TBL1Y: variants seen among roughly 807,000 people sequenced by gnomAD.
TBL1Y encodes the protein F-box-like/WD repeat-containing protein TBL1Y.
Under a neutral mutation model 12.0 loss-of-function variants are expected in TBL1Y, and 15 were observed. The ratio of observed to expected loss-of-function variants is 1.25; its 90% CI spans 0.83 to 1.92. The LOEUF is 1.92. Among genes scored for constraint, TBL1Y ranks in the 40% most tolerant of loss-of-function variants. TBL1Y has a pLI of 0.00. For missense variants in TBL1Y, 148 were observed against 116.7 expected (o/e 1.27, Z -1.24); for synonymous variants, 53 against 42.6 (o/e 1.24, Z -0.95).
At chrY:6,976,550 C>A (rs974576870) in intron 2 of TBL1Y, among the ~76,000 whole-genome samples, 1 of 33,192 alleles carries the variant, frequency 3.0e-5, no homozygotes, top group Non-Finnish European at 7.4e-5. Context: ...TATCCTTCAT[C>A]CCATTTTTAT....
chrY:7,089,793 C>T (rs2013163606), intron 17 of TBL1Y, among the ~76,000 whole-genome samples: 22 of 32,441 alleles, frequency 6.8e-4, no homozygotes, highest in Non-Finnish European at 1.1e-3. Flanking sequence ...AGACACCTGT[C>T]GAGTTCTCCC....
At chrY:6,982,900 G>A in intron 3 of TBL1Y, among the ~76,000 whole-genome samples, 3 of 32,672 alleles carry the variant, frequency 9.2e-5, no homozygotes, top group African/African-American at 2.4e-4. Context: ...ATGTGTGAGG[G>A]ATCTAAGTGT....
At chrY:7,046,361 C>T in intron 7 of TBL1Y, among the ~76,000 whole-genome samples, 1 of 33,642 alleles carries the variant, frequency 3.0e-5, no homozygotes, top group South Asian at 6.8e-4. Context: ...ATTTTCTAAG[C>T]AGTCCGTTCA....
intron 3 of TBL1Y, among the ~76,000 whole-genome samples, chrY:6,980,637 C>T: frequency 8.9e-5 from 3 of 33,718 alleles, no homozygotes; most frequent in Non-Finnish European, 1.5e-4. Context: ...TATGTGATAA[C>T]CATTCTACAA....
intron 6 of TBL1Y, among the ~76,000 whole-genome samples, chrY:7,038,008 C>T: frequency 5.9e-5 from 2 of 33,760 alleles, no homozygotes; most frequent in African/African-American, 2.3e-4. Flanking sequence ...TGAATCAAGC[C>T]AACATTAACT....
intron 6 of TBL1Y, among the ~76,000 whole-genome samples, chrY:7,033,123 A>G: frequency 3.0e-5 from 1 of 33,376 alleles, no homozygotes; most frequent in Admixed American, 2.8e-4. Context: ...AGAATCAAAT[A>G]GACACAATAA....
chrY:7,007,291 TTA>T, intron 4 of TBL1Y, among the ~76,000 whole-genome samples: 1 of 34,201 alleles, frequency 2.9e-5, no homozygotes, highest in South Asian at 6.6e-4. Flanking sequence ...ATACATTTAC[TTA>T]TATGACTATT....
intron 4 of TBL1Y, among the ~76,000 whole-genome samples, chrY:7,019,212 C>A (rs2124149352): frequency 3.0e-5 from 1 of 33,683 alleles, no homozygotes; most frequent in Admixed American, 2.7e-4. Context: ...AATAATGTTT[C>A]AATTTCTGTA....
chrY:6,910,802 G>C lies in TBL1Y; in HGVS notation c.-531G>C. 2.3e-5 allele frequency: 1 copy of C among 43,082 alleles called. No homozygotes were observed. Among genetic ancestry groups the C allele is most frequent in the Non-Finnish European group, 5.2e-5 (1 of 19,113 alleles). 10.7% of individuals were successfully genotyped at this position (43,082 alleles called of 400,897 possible). A position where few individuals can be genotyped will look rare whatever the true frequency, so the allele number is the denominator to read the frequency against. ...GTTACCTAAACTTTCCAGTACCCGCGACCTTTCCGGGACTCCGCGGCGGCG... is the reference window on the plus strand; with the variant it reads ...GTTACCTAAACTTTCCAGTACCCGCCACCTTTCCGGGACTCCGCGGCGGCG... On this transcript the variant is annotated 5_prime_UTR_variant, in exon 1 of 19. Transcript: ENST00000383032.
In TBL1Y at chrY:7,090,910, C is replaced by A. The variant is rs2013171807; in HGVS notation, c.1549-562C>A. Among the ~76,000 whole-genome samples the A allele has an allele frequency of 1.2e-4, 4 of 33,836 alleles. No homozygotes were observed. The East Asian group carries it at 3.2e-3, about 27-fold the overall frequency. 90.8% of individuals were successfully genotyped at this position (33,836 alleles called of 37,273 possible). On this transcript the variant is annotated intron_variant, in intron 18 of 18. Transcript: ENST00000383032. ...GCAGAGCTCAGTGATGCTACTAAAA[C>A]TCCTACCATGAACAGGGCAGTCCCA...
intron 5 of TBL1Y, among the ~76,000 whole-genome samples, chrY:7,023,406 C>T: frequency 3.0e-5 from 1 of 33,168 alleles, no homozygotes; most frequent in Non-Finnish European, 7.4e-5. Flanking sequence ...ACATTAGGGG[C>T]GTTCACCATT....
chrY:7,063,253 C>G, intron 7 of TBL1Y, among the ~76,000 whole-genome samples: 1 of 33,594 alleles, frequency 3.0e-5, no homozygotes, highest in Admixed American at 2.7e-4. Context: ...CTTTTTAATT[C>G]TCAGCAAGGC....
rs34137545 is a variant in TBL1Y, at chrY:7,090,124, C to T, written c.1482C>T (p.Gly494=). The change falls in exon 18 of 19, where the codon GGC becomes GGT. Residue 494 remains glycine, a synonymous_variant. Coordinates refer to ENST00000383032, the MANE Select transcript of TBL1Y (RefSeq NM_033284.2). The part of the protein sequence containing the change: ...GSLVHSYQGT[G]GIFEVCWNAR... Reference sequence around the variant, plus strand: ...TCGTCCACAGCTACCAAGGCACTGGCGGTATCTTCGAGGTGTGCTGGAACG... The same window carrying T: ...TCGTCCACAGCTACCAAGGCACTGGTGGTATCTTCGAGGTGTGCTGGAACG... 6.8e-5 allele frequency: 27 copies of T among 396,447 alleles called. No individual in the cohort carries two copies. Among genetic ancestry groups the T allele is most frequent in the Non-Finnish European group, 9.5e-5 (27 of 282,935 alleles).
chrY:7,006,981 G>A, intron 4 of TBL1Y, among the ~76,000 whole-genome samples: 1 of 33,720 alleles, frequency 3.0e-5, no homozygotes, highest in Non-Finnish European at 7.4e-5. Context: ...ATGACATGAA[G>A]ATGTTGTTAA....
chrY:7,000,654 C>T (rs745487203), intron 4 of TBL1Y, among the ~76,000 whole-genome samples: 1 of 34,257 alleles, frequency 2.9e-5, no homozygotes, highest in Non-Finnish European at 7.3e-5. Flanking sequence ...GGCTGGAGTG[C>T]AGTGGCACGA....
intron 4 of TBL1Y, among the ~76,000 whole-genome samples, chrY:7,005,083 A>G: frequency 3.0e-5 from 1 of 33,409 alleles, no homozygotes; most frequent in Non-Finnish European, 7.4e-5. Flanking sequence ...CCTGTTCTCT[A>G]TAGTACAGAA....
chrY:7,063,148 C>T (rs984945863), intron 7 of TBL1Y, among the ~76,000 whole-genome samples: 1 of 33,556 alleles, frequency 3.0e-5, no homozygotes, highest in African/African-American at 1.2e-4. Context: ...CAGAGACAGT[C>T]CCCAGTGGGG....
intron 2 of TBL1Y, among the ~76,000 whole-genome samples, chrY:6,950,700 T>C: frequency 3.0e-5 from 1 of 33,424 alleles, no homozygotes; most frequent in Non-Finnish European, 7.4e-5. Context: ...TACCATAAGA[T>C]CTCTAATAAA....
At chrY:6,923,669 T>C (rs2011799341) in intron 2 of TBL1Y, among the ~76,000 whole-genome samples, 1 of 32,447 alleles carries the variant, frequency 3.1e-5, no homozygotes, top group African/African-American at 1.2e-4. Context: ...TACAGGCACC[T>C]GCCACCATGC....
Sources: gnomAD v4.1 joint callset for allele counts (sites outside exome capture counted in the v4.1 genomes callset) on GRCh38, gnomAD v4.1.1 for gene constraint, MANE v1.5 for transcripts, NCBI Gene and HGNC (gene_info 2026-07-23, HGNC 2026-07-21) for gene names.